Variants in SNX18 observed in about 807,000 individuals in gnomAD.
SNX18 encodes sorting nexin-18.
SNX18 carries 35 observed loss-of-function variants against 48.7 expected under a neutral mutation model. That is an observed-to-expected ratio of 0.72 (90% CI 0.55 to 0.95). The LOEUF (loss-of-function observed/expected upper bound fraction) is 0.95, where lower values mean the gene tolerates loss of function less well. SNX18 is among the 40% of genes least tolerant of loss of function. The probability of loss-of-function intolerance (pLI) is 0.00; values close to 1 mark genes in which losing one functional copy is unlikely to be tolerated. For synonymous variants in SNX18, 492 were observed against 384.7 expected, an observed-to-expected ratio of 1.28 and a Z score of -3.26; for missense variants, 824 against 871.0, an observed-to-expected ratio of 0.95 and a Z score of 0.68.
At chr5:54,542,168 A>G (rs1407104061) in intron 1 of SNX18, among the ~76,000 whole-genome samples, 11 of 152,154 alleles carry the variant, frequency 7.2e-5, no homozygotes, top group Admixed American at 7.2e-4. Context: ...ACTCATTCCT[A>G]AGAACTCAGG....
Position 54,524,336 on chromosome 5 carries a change from CAG to C in SNX18, c.1621+4766_1621+4767del, listed in dbSNP as rs901907020. 9.2e-5 allele frequency among the ~76,000 whole-genome samples: 14 copies of C among 152,262 alleles called. No individual in the cohort carries two copies. In the Middle Eastern group the frequency reaches 0.014, roughly 148 times the overall value. ...CTTCTTTTTTGAGCCACATAGCCTTCAGAGTCATGCCGACCACAGTGGGACCG... is the reference window on the plus strand; with the variant it reads ...CTTCTTTTTTGAGCCACATAGCCTTCAGTCATGCCGACCACAGTGGGACCG... On this transcript the variant is annotated intron_variant, in intron 1 of 1. Transcript: ENST00000381410.
At chr5:54,643,629 G>A in the SNX18 span, 1 of 152,154 alleles carries the variant, frequency 6.6e-6, no homozygotes, top group Non-Finnish European at 1.5e-5. Context: ...TGAAATTTTG[G>A]AGGTATCAAT....
At chr5:54,637,399 G>A in the SNX18 span, among the ~76,000 whole-genome samples, 20 of 152,020 alleles carry the variant, frequency 1.3e-4, no homozygotes, top group African/African-American at 2.7e-4. Flanking sequence ...ATCCTTTGGC[G>A]TGAGAAAAGT....
the SNX18 span, among the ~76,000 whole-genome samples, chr5:54,613,506 T>C: frequency 2.0e-5 from 3 of 152,104 alleles, no homozygotes; most frequent in African/African-American, 7.2e-5. Flanking sequence ...GACCTACTCA[T>C]CTCTTAAAGG....
chr5:54,643,371 TAG>T, the SNX18 span, among the ~76,000 whole-genome samples: 3 of 152,140 alleles, frequency 2.0e-5, no homozygotes, highest in African/African-American at 7.2e-5. Context: ...ACTTGAAAAA[TAG>T]TAATAAATAG....
the SNX18 span, among the ~76,000 whole-genome samples, chr5:54,565,359 A>G: frequency 6.6e-6 from 1 of 152,148 alleles, no homozygotes; most frequent in Non-Finnish European, 1.5e-5. Context: ...GAATTGCTTG[A>G]GGCCAGGAGT....
the SNX18 span, among the ~76,000 whole-genome samples, chr5:54,625,231 A>G: frequency 2.0e-5 from 3 of 152,184 alleles, no homozygotes; most frequent in Admixed American, 1.3e-4. Flanking sequence ...ATAGTGGATT[A>G]AACAACAAAC....
At chr5:54,572,483 A>G in the SNX18 span, among the ~76,000 whole-genome samples, 1 of 152,000 alleles carries the variant, frequency 6.6e-6, no homozygotes, top group African/African-American at 2.4e-5. Context: ...ACACAGTCAA[A>G]TGCACACTTC....
the SNX18 span, among the ~76,000 whole-genome samples, chr5:54,567,822 C>T: frequency 6.6e-6 from 1 of 152,202 alleles, no homozygotes; most frequent in Admixed American, 6.5e-5. Flanking sequence ...CACCCTGTCA[C>T]CTGCTGCTTG....
chr5:54,550,443 A>C (rs1253874991), downstream of SNX18, among the ~76,000 whole-genome samples: 1 of 152,212 alleles, frequency 6.6e-6, no homozygotes, highest in Non-Finnish European at 1.5e-5. Flanking sequence ...ATCATTTTTA[A>C]AAAAAACAAG....
chr5:54,642,414 T>A, the SNX18 span, among the ~76,000 whole-genome samples: 4 of 152,000 alleles, frequency 2.6e-5, no homozygotes, highest in Admixed American at 6.6e-5. Flanking sequence ...CTGCTACAAT[T>A]CCCCACTGTC....
the SNX18 span, among the ~76,000 whole-genome samples, chr5:54,570,707 C>A: frequency 9.8e-4 from 149 of 152,256 alleles, no homozygotes; most frequent in African/African-American, 3.5e-3. Context: ...TCAGAACATA[C>A]AAAGACTGAT....
At chr5:54,613,495 T>C in the SNX18 span, among the ~76,000 whole-genome samples, 7 of 152,174 alleles carry the variant, frequency 4.6e-5, no homozygotes, top group African/African-American at 1.4e-4. Context: ...TTCACCCTCA[T>C]GACCTACTCA....
intron 1 of SNX18, among the ~76,000 whole-genome samples, chr5:54,530,673 A>G (rs1453374320): frequency 6.7e-6 from 1 of 148,502 alleles, no homozygotes; most frequent in Non-Finnish European, 1.5e-5. Context: ...TTAAAAAAGT[A>G]TTTACCTCAA....
chr5:54,566,910 C>T, the SNX18 span, among the ~76,000 whole-genome samples: 4 of 152,212 alleles, frequency 2.6e-5, no homozygotes, highest in African/African-American at 9.7e-5. Flanking sequence ...ATTACGACTC[C>T]CCATCCCGAC....
chr5:54,624,137 A>C, the SNX18 span, among the ~76,000 whole-genome samples: 3 of 152,348 alleles, frequency 2.0e-5, no homozygotes, highest in East Asian at 5.8e-4. Flanking sequence ...TTAAGAGATC[A>C]AACTGCCTGG....
chr5:54,547,843 G>A (rs960113178), downstream of SNX18, among the ~76,000 whole-genome samples: 8 of 152,142 alleles, frequency 5.3e-5, no homozygotes, highest in Admixed American at 2.0e-4. Flanking sequence ...AACTCCAGTT[G>A]GTCAGAGTCA....
chr5:54,533,704 T>C (rs1342233376), intron 1 of SNX18, among the ~76,000 whole-genome samples: 1 of 152,242 alleles, frequency 6.6e-6, no homozygotes, highest in Non-Finnish European at 1.5e-5. Flanking sequence ...ACATGCGAAG[T>C]GCAGAGCACA....
At chr5:54,636,950 C>T in the SNX18 span, among the ~76,000 whole-genome samples, 1 of 152,156 alleles carries the variant, frequency 6.6e-6, no homozygotes, top group African/African-American at 2.4e-5. Flanking sequence ...CATGTGTCCT[C>T]AAGTCAAATG....
Sources: gnomAD v4.1 joint callset for allele counts (sites outside exome capture counted in the v4.1 genomes callset) on GRCh38, gnomAD v4.1.1 for gene constraint, MANE v1.5 for transcripts, NCBI Gene and HGNC (gene_info 2026-07-23, HGNC 2026-07-21) for gene names.